ZNF618: variants seen among roughly 807,000 people sequenced by gnomAD.
ZNF618 encodes neural precursor cell expressed, developmentally down-regulated 10.
Under a neutral mutation model 103.0 loss-of-function variants are expected in ZNF618, and 34 were observed. The observed-to-expected ratio is 0.33, with a 90% CI of 0.25 to 0.44. The LOEUF is 0.44. ZNF618 is among the 20% of genes least tolerant of loss of function. The pLI is 1.00. For missense variants in ZNF618, 1,059 were observed against 1,295.4 expected, an observed-to-expected ratio of 0.82 and a Z score of 2.80; for synonymous variants, 551 against 542.2, an observed-to-expected ratio of 1.02 and a Z score of -0.23.
intron 1 of ZNF618, among the ~76,000 whole-genome samples, chr9:113,961,807 AG>A (rs1210266787): frequency 6.6e-6 from 1 of 152,214 alleles, no homozygotes; most frequent in Admixed American, 6.5e-5. Flanking sequence ...GGCATTTTTT[AG>A]GGACACCTGG....
chr9:114,008,213 C>G (rs1841923185), intron 7 of ZNF618, 131 bp from the exon 8 acceptor site: 2 of 1,317,098 alleles, frequency 1.5e-6, no homozygotes, highest in African/African-American at 2.9e-5. Context: ...CACGGCAGCC[C>G]TCCTGGGCCC....
intron 9 of ZNF618, among the ~76,000 whole-genome samples, chr9:114,009,067 C>T (rs1373323399): frequency 6.6e-6 from 1 of 152,228 alleles, no homozygotes; most frequent in Non-Finnish European, 1.5e-5. Context: ...CCCTTGAGGG[C>T]AGGAGCCACA....
chr9:113,968,453 A>G lies in ZNF618; in HGVS notation c.34-664A>G, dbSNP rs186341672. On this transcript the variant is annotated intron_variant, in intron 1 of 14. Coordinates refer to ENST00000374126, the MANE Select transcript of ZNF618 (RefSeq NM_001318042.2). The stretch of plus-strand genomic sequence containing the variant: ...TCTAGGTATTGTTCCCAGGTCTGCA[A>G]CCTCTGTCAGCCTCTGCATTGAGGT... 8.5e-5 allele frequency among the ~76,000 whole-genome samples: 13 copies of G among 152,188 alleles called. No homozygotes were observed. In the East Asian group the frequency reaches 2.5e-3, roughly 29 times the overall value.
At chr9:114,028,322 C>G (rs1843698657) in intron 10 of ZNF618, 1 of 186,902 alleles carries the variant, frequency 5.4e-6, no homozygotes, top group African/African-American at 2.4e-5. Context: ...ACCCCCAGCC[C>G]CGGCATGTCC....
intron 2 of ZNF618, among the ~76,000 whole-genome samples, chr9:113,971,755 G>A (rs1452834101): frequency 2.0e-5 from 3 of 152,172 alleles, no homozygotes; most frequent in Non-Finnish European, 4.4e-5. Flanking sequence ...TGTAGTTGGT[G>A]GAAGAATGCT....
chr9:113,900,760 C>T (rs1194878005), intron 1 of ZNF618, among the ~76,000 whole-genome samples: 1 of 128,800 alleles, frequency 7.8e-6, no homozygotes, highest in East Asian at 2.7e-4. Context: ...CGCGCAAACC[C>T]GACCTCCTGT....
Position 114,049,525 on chromosome 9 carries a change from G to A in ZNF618, c.2223G>A (p.Pro741=), listed in dbSNP as rs368210659. 26 of 1,613,528 alleles carry A rather than the reference G, an allele frequency of 1.6e-5. No homozygotes were observed. The highest frequency in any genetic ancestry group is 5.0e-5 in the Admixed American group (3 of 59,968). The change falls in exon 15 of 15, where the codon CCG becomes CCA. Residue 741 remains proline, a synonymous_variant. Transcript: ENST00000374126. ...GCAACCTGGCGGCCATCCTGACGCCGGTGAAGCAGGCAGTCATCGAGCTGA... is the reference window on the plus strand; with the variant it reads ...GCAACCTGGCGGCCATCCTGACGCCAGTGAAGCAGGCAGTCATCGAGCTGA... ...LLSNLAAILT[P]VKQAVIELSN... is the part of the protein sequence containing the mutation.
intron 2 of ZNF618, among the ~76,000 whole-genome samples, chr9:113,970,001 G>C (rs945235732): frequency 2.6e-5 from 4 of 152,294 alleles, no homozygotes; most frequent in African/African-American, 2.4e-5. Flanking sequence ...TTAGCCTGTG[G>C]AACACTAGTT....
chr9:113,921,536 G>A (rs1035130028), intron 1 of ZNF618, among the ~76,000 whole-genome samples: 11 of 152,160 alleles, frequency 7.2e-5, no homozygotes, highest in South Asian at 2.1e-4. Flanking sequence ...CCAGAGTCTC[G>A]AAACACCCAC....
At chr9:114,003,198 G>A (rs1004029791) in intron 6 of ZNF618, among the ~76,000 whole-genome samples, 24 of 152,230 alleles carry the variant, frequency 1.6e-4, no homozygotes, top group African/African-American at 5.8e-4. Context: ...CACCTGGGGC[G>A]GCACAGGGCC....
chr9:113,972,881 A>G (rs930625672), intron 2 of ZNF618, among the ~76,000 whole-genome samples: 3 of 152,200 alleles, frequency 2.0e-5, no homozygotes, highest in African/African-American at 7.2e-5. Context: ...AGCCTGGCCA[A>G]CATGGCGAAA....
intron 2 of ZNF618, among the ~76,000 whole-genome samples, chr9:113,971,912 A>T (rs1014210239): frequency 6.6e-6 from 1 of 152,188 alleles, no homozygotes; most frequent in African/African-American, 2.4e-5. Context: ...CGGAATATGC[A>T]TCAGGAAGGG....
chr9:113,950,570 G>A (rs899286120), intron 1 of ZNF618, among the ~76,000 whole-genome samples: 6 of 152,174 alleles, frequency 3.9e-5, no homozygotes, highest in Admixed American at 6.5e-5. Flanking sequence ...ACAGGGAGAC[G>A]TCTTGCGCCA....
Position 113,876,408 on chromosome 9 carries a change from C to G in ZNF618, c.28C>G (p.Pro10Ala). Residue 10 changes from proline to alanine, a missense_variant, in exon 1 of 15, where the codon CCG becomes GCG. Coordinates refer to ENST00000374126, the MANE Select transcript of ZNF618 (RefSeq NM_001318042.2). MNQPGGAAA[P>A]QADGASAAGR... is the part of the protein sequence containing the mutation. The stretch of plus-strand genomic sequence containing the variant: ...GAACCAGCCGGGCGGCGCGGCGGCT[C>G]CGCAGGTACGACGGGGGGCCGGGGG... 8.3e-7 allele frequency: 1 copy of G among 1,202,582 alleles called. No individual in the cohort carries two copies. The highest frequency in any genetic ancestry group is 3.4e-5 in the East Asian group (1 of 29,176). The allele number at this position is 1,202,582 out of a possible 1,614,324, so 74.5% of individuals were successfully genotyped here. A position where few individuals can be genotyped will look rare whatever the true frequency, so the allele number is the denominator to read the frequency against.
chr9:113,911,075 C>G (rs1220141840), intron 1 of ZNF618, among the ~76,000 whole-genome samples: 2 of 152,190 alleles, frequency 1.3e-5, no homozygotes, highest in Non-Finnish European at 2.9e-5. Context: ...CTCAAGTGAT[C>G]CGCCTGCCTT....
At chr9:113,884,770 CACACAG>C (rs1828894332) in intron 1 of ZNF618, among the ~76,000 whole-genome samples, 1 of 114,148 alleles carries the variant, frequency 8.8e-6, no homozygotes, top group Admixed American at 8.2e-5. Context: ...GAGACACAAA[CACACAG>C]AGAGAGAGAG....
chr9:114,034,078 G>T (rs537842952), intron 12 of ZNF618, among the ~76,000 whole-genome samples: 2 of 152,200 alleles, frequency 1.3e-5, no homozygotes, highest in Admixed American at 1.3e-4. Flanking sequence ...ACACAGCCCC[G>T]TGGTGGTTGT....
chr9:114,027,353 G>A (rs574702142), intron 10 of ZNF618, among the ~76,000 whole-genome samples: 9 of 152,268 alleles, frequency 5.9e-5, no homozygotes, highest in East Asian at 5.8e-4. Context: ...GGGCTGGGGC[G>A]GACAGATGAG....
At chr9:114,026,557 G>A (rs1486407359) in intron 10 of ZNF618, among the ~76,000 whole-genome samples, 2 of 152,318 alleles carry the variant, frequency 1.3e-5, no homozygotes, top group African/African-American at 4.8e-5. Context: ...TCCTGTGTGG[G>A]TCACTGCCAT....
Sources: gnomAD v4.1 joint callset for allele counts (sites outside exome capture counted in the v4.1 genomes callset) on GRCh38, gnomAD v4.1.1 for gene constraint, MANE v1.5 for transcripts, NCBI Gene and HGNC (gene_info 2026-07-23, HGNC 2026-07-21) for gene names.